The following VPS13A variants were observed in gnomAD, a reference collection of about 807,000 sequenced individuals.
VPS13A encodes vacuolar protein sorting 13 homolog A, also known as intermembrane lipid transfer protein VPS13A.
In VPS13A, 264 loss-of-function variants were observed where a neutral mutation model predicts 390.9. That is an observed-to-expected ratio of 0.68 (90% CI 0.61 to 0.75). The LOEUF is 0.75. VPS13A is among the 30% of genes least tolerant of loss of function. The pLI is 0.00. For synonymous variants in VPS13A, 1,231 were observed against 1,227.1 expected (o/e 1.00, Z -0.07); for missense variants, 3,409 against 3,733.9 (o/e 0.91, Z 2.27).
Position 77,420,543 on chromosome 9 carries a change from T to A in VPS13A, c.*4537T>A, listed in dbSNP as rs1835311360. On this transcript the variant is annotated 3_prime_UTR_variant, in exon 72 of 72. Coordinates refer to ENST00000360280, the MANE Select transcript of VPS13A (RefSeq NM_033305.3). ...GAAATATAACTTCAATTTTTTAGGT[T>A]GATATGGGTATATTTTTAAAGTTTT... 6.6e-6 allele frequency: 1 copy of A among 152,188 alleles called. No individual in the cohort carries two copies. Among genetic ancestry groups the A allele is most frequent in the Non-Finnish European group, 1.5e-5 (1 of 68,036 alleles). The allele number at this position is 152,188 out of a possible 1,614,324, so 9.4% of individuals were successfully genotyped here. A position where few individuals can be genotyped will look rare whatever the true frequency, so the allele number is the denominator to read the frequency against.
chr9:77,400,223 A>ATTTTTTTTTTTTTTTTTTTTTT (rs34605855), intron 68 of VPS13A, among the ~76,000 whole-genome samples: 23 of 88,116 alleles, frequency 2.6e-4, no homozygotes, highest in African/African-American at 1.1e-3. Context: ...TATCAGTCAG[A>ATTTTTTTTTTTTTTTTTTTTTT]TTTTTTTTTT....
intron 54 of VPS13A, among the ~76,000 whole-genome samples, chr9:77,354,429 C>A (rs934677981): frequency 6.6e-6 from 1 of 151,920 alleles, no homozygotes; most frequent in African/African-American, 2.4e-5. Context: ...ATCAAATACA[C>A]CATAGATTTT....
chr9:77,288,057 CTT>C (rs1444422629), intron 31 of VPS13A, among the ~76,000 whole-genome samples: 2 of 152,140 alleles, frequency 1.3e-5, no homozygotes, highest in Non-Finnish European at 2.9e-5. Context: ...ATCCTAGCAC[CTT>C]AGAATCACTG....
intron 33 of VPS13A, 53 bp from the exon 34 acceptor site, chr9:77,302,862 A>G: frequency 1.3e-6 from 2 of 1,543,972 alleles, no homozygotes; most frequent in Non-Finnish European, 1.8e-6. Context: ...ATCTTTTTTT[A>G]ACTACCTGAA....
chr9:77,412,014 A>C (rs1464111660), intron 71 of VPS13A, among the ~76,000 whole-genome samples: 1 of 152,148 alleles, frequency 6.6e-6, no homozygotes, highest in Non-Finnish European at 1.5e-5. Context: ...TAAATTCCTC[A>C]ACACATACAC....
At chr9:77,238,772 G>A (rs12335776) in intron 19 of VPS13A, among the ~76,000 whole-genome samples, 2 of 151,906 alleles carry the variant, frequency 1.3e-5, no homozygotes, top group East Asian at 1.9e-4. Context: ...GGTCGGGTAC[G>A]ATTTCTTCCT....
At position 77,237,984 on chromosome 9, in the gene VPS13A, C is replaced by CTTT; in HGVS notation, c.1596-10_1596-8dup. 1 of 1,239,020 alleles carries CTTT rather than the reference C, an allele frequency of 8.1e-7. No homozygotes were observed. The highest frequency in any genetic ancestry group is 1.1e-6 in the Non-Finnish European group (1 of 901,716). 76.8% of individuals were successfully genotyped at this position (1,239,020 alleles called of 1,614,324 possible). ...AATTTTACTGATCGCTGACTTTTTT[C>CTTT]TTTTTTTTTTAATGCAGATTTGAAA... On this transcript the variant is annotated splice_polypyrimidine_tract_variant and intron_variant, in intron 17 of 71. Coordinates refer to ENST00000360280, the MANE Select transcript of VPS13A (RefSeq NM_033305.3).
At chr9:77,199,521 G>A (rs866137684) in intron 1 of VPS13A, among the ~76,000 whole-genome samples, 2 of 151,684 alleles carry the variant, frequency 1.3e-5, no homozygotes, top group East Asian at 1.9e-4. Flanking sequence ...TTTTTTATTG[G>A]CTTTGAATTG....
At position 77,260,125 on chromosome 9, in the gene VPS13A, A is replaced by T. The variant is rs2131293095; in HGVS notation, c.2328A>T (p.Arg776=). The change falls in exon 23 of 72, where the codon CGA becomes CGT. Residue 776 remains arginine, a synonymous_variant. Coordinates refer to ENST00000360280, the MANE Select transcript of VPS13A (RefSeq NM_033305.3). ...GAAAGTTACCTCTTATTTCTTTACG[A>T]ATCTCAGATAAAAAACTACAAGGGA... ...IYGKLPLISL[R]ISDKKLQGIM... 4 of 1,569,064 alleles carry T rather than the reference A, an allele frequency of 2.5e-6. No individual in the cohort carries two copies. In the South Asian group the frequency reaches 4.5e-5, roughly 18 times the overall value.
Position 77,385,144 on chromosome 9 carries a change from T to C in VPS13A, c.9189+3057T>C, listed in dbSNP as rs866732832. 12 of 956,560 alleles carry C rather than the reference T, an allele frequency of 1.3e-5. No individual in the cohort carries two copies. The Middle Eastern group carries it at 1.6e-3, about 130-fold the overall frequency. 59.3% of individuals were successfully genotyped at this position (956,560 alleles called of 1,614,324 possible). On this transcript the variant is annotated intron_variant, in intron 68 of 71. Transcript: ENST00000360280. ...TGTTTTATATTTATCATTTTAAAGA[T>C]ATTTTTGTCAAATTTCTTTTAATAA...
chr9:77,244,344 T>C (rs1003293650), intron 19 of VPS13A, among the ~76,000 whole-genome samples: 1 of 144,562 alleles, frequency 6.9e-6, no homozygotes, highest in East Asian at 1.9e-4. Context: ...ATCCACACTT[T>C]GTTGGGAGAA....
chr9:77,370,973 G>A, intron 66 of VPS13A, 38 bp downstream of exon 66: 1 of 1,614,058 alleles, frequency 6.2e-7, no homozygotes. Context: ...TTTCTAAGTT[G>A]ATTCTGTTTT....
Position 77,227,459 on chromosome 9 carries a change from G to C in VPS13A, c.1426G>C (p.Ala476Pro). ...TGAAGCAATTGGCTATAGTGAAACAGCAGTTGATCCAACTTTACTAAAAAC... is the reference window on the plus strand; with the variant it reads ...TGAAGCAATTGGCTATAGTGAAACACCAGTTGATCCAACTTTACTAAAAAC... Reference protein sequence around the residue: ...LYEAIGYSETAVDPTLLKTFE... With the variant: ...LYEAIGYSETPVDPTLLKTFE... Residue 476 changes from alanine to proline, a missense_variant, in exon 16 of 72, where the codon GCA becomes CCA. Physicochemically the swap from Ala to Pro is conservative, Grantham distance 27. This residue lies in a region of VPS13A where 2,717 missense variants were observed against 2,917.4 expected (regional missense o/e 0.93). Transcript: ENST00000360280. 6.2e-7 allele frequency: 1 copy of C among 1,613,228 alleles called. No individual in the cohort carries two copies. The highest frequency in any genetic ancestry group is 8.5e-7 in the Non-Finnish European group (1 of 1,179,472).
At chr9:77,285,305 T>A (rs1248714658) in intron 31 of VPS13A, among the ~76,000 whole-genome samples, 3 of 152,188 alleles carry the variant, frequency 2.0e-5, no homozygotes, top group Admixed American at 6.5e-5. Flanking sequence ...ACTGAGACAT[T>A]GAGGCCCTCA....
intron 45 of VPS13A, among the ~76,000 whole-genome samples, chr9:77,330,168 A>G (rs1830210280): frequency 6.6e-6 from 1 of 151,390 alleles, no homozygotes; most frequent in South Asian, 2.1e-4. Flanking sequence ...TGTCTGCACC[A>G]CCATACCTGG....
chr9:77,180,503 C>T (rs938429404), intron 1 of VPS13A, among the ~76,000 whole-genome samples: 1 of 152,160 alleles, frequency 6.6e-6, no homozygotes, highest in African/African-American at 2.4e-5. Flanking sequence ...GTATTCATAT[C>T]TAAGAAATCT....
chr9:77,390,671 T>C (rs1386502580), intron 68 of VPS13A, among the ~76,000 whole-genome samples: 1 of 117,266 alleles, frequency 8.5e-6, no homozygotes, highest in Non-Finnish European at 1.7e-5. Context: ...TTTTTGTTGT[T>C]GTTGTTGTTG....
chr9:77,394,207 G>T (rs1422512479), intron 68 of VPS13A, among the ~76,000 whole-genome samples: 2 of 151,226 alleles, frequency 1.3e-5, no homozygotes, highest in Non-Finnish European at 2.9e-5. Flanking sequence ...TGAGACTACA[G>T]GCATGTGCCA....
chr9:77,344,973 G>A (rs374432389), intron 51 of VPS13A, 36 bp from the exon 52 acceptor site: 6 of 1,600,796 alleles, frequency 3.7e-6, no homozygotes, highest in Non-Finnish European at 5.1e-6. Flanking sequence ...TTGGGAAAAT[G>A]ATTACATTAA....
Sources: gnomAD v4.1 joint callset for allele counts (sites outside exome capture counted in the v4.1 genomes callset) on GRCh38, gnomAD v4.1.1 for gene constraint, gnomAD v4.1.1 regional missense constraint, MANE v1.5 for transcripts, NCBI Gene and HGNC (gene_info 2026-07-23, HGNC 2026-07-21) for gene names.